Variants in ZFP64 observed in about 807,000 individuals in gnomAD.
The protein encoded by ZFP64 is ZFP64 zinc finger protein.
Under a neutral mutation model 51.6 loss-of-function variants are expected in ZFP64, and 14 were observed. The ratio of observed to expected loss-of-function variants is 0.27; its 90% CI spans 0.18 to 0.42. ZFP64 has a LOEUF of 0.42. Among genes scored for constraint, ZFP64 ranks in the 10% least tolerant of loss-of-function variants. ZFP64 has a pLI of 1.00. For missense variants in ZFP64, 754 were observed against 906.8 expected, an observed-to-expected ratio of 0.83 and a Z score of 2.16; for synonymous variants, 375 against 361.4, an observed-to-expected ratio of 1.04 and a Z score of -0.43.
rs749217635 is a variant in ZFP64 at position 52,160,200 on chromosome 20, C to T, written c.686G>A (p.Arg229Gln). The T allele has an allele frequency of 3.7e-6, 6 of 1,614,082 alleles. No homozygotes were observed. Among genetic ancestry groups the T allele is most frequent in the Admixed American group, 1.7e-5 (1 of 60,004 alleles). The change falls in exon 5 of 6, where the codon CGG (arginine) becomes CAG (glutamine). Residue 229 changes from arginine (R) to glutamine (Q), a missense_variant. Coordinates refer to ENST00000216923, the MANE Select transcript of ZFP64 (RefSeq NM_018197.3). The surrounding 1 kb of genome is among the most constrained non-coding windows in gnomAD (Gnocchi z 4.2). ...GGGGCAGATCTGGCATTTGAAGGGC[C>T]GCTCGTCCGAGTGGATCCTCAGGTG... ...NKHLRIHSDERPFKCQICPYA... is the reference protein window; with the variant it reads ...NKHLRIHSDEQPFKCQICPYA...
At chr20:52,088,120 T>TAC in intron 8 of ZFP64, 1 of 510,352 alleles carries the variant, frequency 2.0e-6, no homozygotes, top group East Asian at 3.6e-5. Context: ...TGACTTGAGA[T>TAC]ACATCATTGG....
chr20:52,171,151 G>C (rs1982684050), intron 2 of ZFP64, among the ~76,000 whole-genome samples: 1 of 152,206 alleles, frequency 6.6e-6, no homozygotes, highest in African/African-American at 2.4e-5. Context: ...GCGCCTCCTA[G>C]CTGGATTTAT....
chr20:52,134,034 A>G (rs1456748228), intron 5 of ZFP64, among the ~76,000 whole-genome samples: 2 of 151,196 alleles, frequency 1.3e-5, no homozygotes, highest in African/African-American at 4.9e-5. Flanking sequence ...GTCTCAAAAA[A>G]AAAAAAAAAA....
intron 5 of ZFP64, among the ~76,000 whole-genome samples, chr20:52,112,081 C>CA (rs1978615765): frequency 3.7e-5 from 3 of 80,742 alleles, no homozygotes; most frequent in Non-Finnish European, 2.3e-5. Flanking sequence ...GACTCTATCT[C>CA]CAAAAAAAAA....
At chr20:52,184,896 G>A (rs1301297512) in intron 2 of ZFP64, among the ~76,000 whole-genome samples, 1 of 152,202 alleles carries the variant, frequency 6.6e-6, no homozygotes, top group African/African-American at 2.4e-5. Flanking sequence ...ACAAAGGGCT[G>A]GGATTACAGG....
Position 52,085,863 on chromosome 20 carries a change from T to G in ZFP64, c.1229-597A>C, listed in dbSNP as rs547634160. Among the ~76,000 whole-genome samples, 9 of 152,212 alleles carry G rather than the reference T, an allele frequency of 5.9e-5. No individual in the cohort carries two copies. The highest frequency in any genetic ancestry group is 1.2e-4 in the Non-Finnish European group (8 of 68,022). On this transcript the variant is annotated intron_variant, in intron 8 of 8. Transcript: ENST00000361387. The surrounding 1 kb of genome is among the most constrained non-coding windows in gnomAD (Gnocchi z 4.3). ...CCATGGTCTTTAGAGTCCCATTCCC[T>G]GGAGACATTGCTAAGGGTTTCTAGT... is the stretch of plus-strand genomic sequence containing the variant.
chr20:52,098,596 G>T (rs778401149), intron 5 of ZFP64: 1 of 1,614,050 alleles, frequency 6.2e-7, no homozygotes, highest in Non-Finnish European at 8.5e-7. Flanking sequence ...AGCTGAAATT[G>T]AGGCATAGTT....
At chr20:52,155,230 A>C (rs1981212462) in intron 5 of ZFP64, among the ~76,000 whole-genome samples, 1 of 152,236 alleles carries the variant, frequency 6.6e-6, no homozygotes, top group African/African-American at 2.4e-5. Context: ...CATCTGCAGC[A>C]ATCATTATGA....
In ZFP64 at chr20:52,113,602, T is replaced by TTTC. The variant is rs1220022450; in HGVS notation, c.764-15016_764-15015insGAA. On this transcript the variant is annotated intron_variant, in intron 5 of 8. Transcript: ENST00000361387. ...CGCCACCATACCTGGCTTTTTTTTT[T>TTTC]TTTTTCTTTCATTTTTAGGAGAGAC... Among the ~76,000 whole-genome samples the TTTC allele has an allele frequency of 3.3e-5, 5 of 149,678 alleles. No homozygotes were observed. The East Asian group carries it at 9.9e-4, about 30-fold the overall frequency.
intron 5 of ZFP64, among the ~76,000 whole-genome samples, chr20:52,119,531 A>ATATATATATATAT (rs1458557217): frequency 3.1e-5 from 2 of 65,192 alleles, no homozygotes; most frequent in African/African-American, 1.2e-4. Flanking sequence ...AAAAAAAAAA[A>ATATATATATATAT]AAATATATAT....
intron 5 of ZFP64, chr20:52,111,027 G>A: frequency 1.4e-6 from 2 of 1,431,130 alleles, no homozygotes; most frequent in South Asian, 2.3e-5. Flanking sequence ...GGGCGCGCTT[G>A]GTGTGCAGGC....
exon 6 of ZFP64, chr20:52,098,506 G>A: frequency 6.2e-7 from 1 of 1,614,200 alleles, no homozygotes; most frequent in Non-Finnish European, 8.5e-7. Flanking sequence ...TGAGGGAAGA[G>A]TGATGACAGG....
chr20:52,167,670 A>G (rs1393612828), intron 2 of ZFP64, among the ~76,000 whole-genome samples: 2 of 152,080 alleles, frequency 1.3e-5, no homozygotes, highest in Admixed American at 1.3e-4. Flanking sequence ...AATATGACCA[A>G]TGGAGGCTTG....
At chr20:52,125,888 G>GT (rs973864680) in intron 5 of ZFP64, among the ~76,000 whole-genome samples, 209 of 146,140 alleles carry the variant, frequency 1.4e-3, no homozygotes, top group Middle Eastern at 3.6e-3. Context: ...ATGGTTTTTT[G>GT]TTTTTTTTTT....
chr20:52,124,192 T>TAA (rs33931169), intron 5 of ZFP64, among the ~76,000 whole-genome samples: 24,081 of 113,764 alleles, frequency 0.21, 2,451 homozygotes, highest in Admixed American at 0.28. Flanking sequence ...TTGTTAAATG[T>TAA]AAAAAAAAAA....
At chr20:52,190,023 C>G (rs565183553) in intron 1 of ZFP64, among the ~76,000 whole-genome samples, 1 of 152,032 alleles carries the variant, frequency 6.6e-6, no homozygotes, top group African/African-American at 2.4e-5. Flanking sequence ...TACATTATGT[C>G]CAATTTTCCC....
chr20:52,113,791 A>C (rs1978728847), intron 5 of ZFP64, among the ~76,000 whole-genome samples: 1 of 151,944 alleles, frequency 6.6e-6, no homozygotes, highest in African/African-American at 2.4e-5. Context: ...TCTAGGCTGG[A>C]GATAGAGTGA....
At chr20:52,161,642 G>A (rs993465185) in intron 4 of ZFP64, among the ~76,000 whole-genome samples, 5 of 152,106 alleles carry the variant, frequency 3.3e-5, no homozygotes, top group African/African-American at 1.2e-4. Flanking sequence ...ATGAAAAAGA[G>A]TAAGTCGATA....
At chr20:52,175,960 G>C (rs1983173558) in intron 2 of ZFP64, 1 of 985,178 alleles carries the variant, frequency 1.0e-6, no homozygotes, top group South Asian at 4.7e-5. Flanking sequence ...GTCCACAGTG[G>C]GCGTTAGACC....
Sources: allele counts gnomAD v4.1 joint callset (sites outside exome capture counted in the v4.1 genomes callset), GRCh38; gene constraint gnomAD v4.1.1; non-coding constraint Gnocchi (gnomAD v3.1); transcripts MANE v1.5; gene names NCBI Gene and HGNC (gene_info 2026-07-23, HGNC 2026-07-21).